SUPT3H: variants seen among roughly 807,000 people sequenced by gnomAD.
The protein encoded by SUPT3H is transcription initiation protein SPT3 homolog.
A neutral mutation model predicts 44.3 loss-of-function variants in SUPT3H; 44 were observed. That is an observed-to-expected ratio of 0.99 (90% CI 0.78 to 1.28). The LOEUF (loss-of-function observed/expected upper bound fraction) is 1.28, where lower values mean the gene tolerates loss of function less well. Ranked by LOEUF, SUPT3H falls within the 50% of genes most tolerant of loss-of-function variation. SUPT3H has a pLI of 0.00. For synonymous variants in SUPT3H, 124 were observed against 125.6 expected (o/e 0.99, Z 0.09); for missense variants, 380 against 387.1 (o/e 0.98, Z 0.15).
At chr6:44,995,631 T>C (rs1781173182) in intron 6 of SUPT3H, among the ~76,000 whole-genome samples, 1 of 152,094 alleles carries the variant, frequency 6.6e-6, no homozygotes, top group African/African-American at 2.4e-5. Context: ...ATGCATATTA[T>C]ATGTGTATAT....
At chr6:45,025,830 C>T (rs879699637) in intron 3 of SUPT3H, among the ~76,000 whole-genome samples, 1 of 149,404 alleles carries the variant, frequency 6.7e-6, no homozygotes, top group Non-Finnish European at 1.5e-5. Context: ...TTTCAGTGAG[C>T]TGAGATAGCG....
At chr6:45,018,590 A>G (rs986296178) in intron 4 of SUPT3H, among the ~76,000 whole-genome samples, 4 of 152,070 alleles carry the variant, frequency 2.6e-5, no homozygotes, top group Non-Finnish European at 5.9e-5. Context: ...CCTTTTCTGC[A>G]TCTATTGAGA....
chr6:45,282,245 T>A (rs1156372883), intron 2 of SUPT3H, among the ~76,000 whole-genome samples: 1 of 152,162 alleles, frequency 6.6e-6, no homozygotes, highest in East Asian at 1.9e-4. Context: ...GGAGAATGAC[T>A]TTGACAAGTT....
intron 2 of SUPT3H, among the ~76,000 whole-genome samples, chr6:45,139,392 G>A (rs528956078): frequency 6.6e-6 from 1 of 152,052 alleles, no homozygotes; most frequent in East Asian, 1.9e-4. Flanking sequence ...GAGGAGACAG[G>A]GCTAACAAGC....
chr6:45,129,636 G>T (rs1268973940), intron 2 of SUPT3H, among the ~76,000 whole-genome samples: 1 of 151,992 alleles, frequency 6.6e-6, no homozygotes, highest in African/African-American at 2.4e-5. Context: ...GGCAGCTACT[G>T]ATTTTTGTAC....
At chr6:45,060,003 G>A (rs1791734048) in intron 3 of SUPT3H, among the ~76,000 whole-genome samples, 1 of 152,128 alleles carries the variant, frequency 6.6e-6, no homozygotes. Context: ...TCAATATCGT[G>A]AAAATGGCCA....
chr6:45,100,439 GAC>G (rs1429843396), intron 3 of SUPT3H, among the ~76,000 whole-genome samples: 1 of 147,802 alleles, frequency 6.8e-6, no homozygotes, highest in Non-Finnish European at 1.5e-5. Context: ...TGGGTGCAGT[GAC>G]ACACACCTGT....
intron 10 of SUPT3H, among the ~76,000 whole-genome samples, chr6:44,897,504 G>T (rs142817703): frequency 1.3e-5 from 2 of 152,098 alleles, no homozygotes; most frequent in Non-Finnish European, 2.9e-5. Context: ...TGTACTTATG[G>T]AGAAGAGATT....
chr6:45,141,097 T>C (rs747709371), intron 2 of SUPT3H, among the ~76,000 whole-genome samples: 1 of 151,914 alleles, frequency 6.6e-6, no homozygotes, highest in Non-Finnish European at 1.5e-5. Flanking sequence ...CCCAGCACTT[T>C]AGGAGGCCAA....
chr6:45,253,706 TCA>T (rs1327388305), intron 2 of SUPT3H, among the ~76,000 whole-genome samples: 12 of 151,654 alleles, frequency 7.9e-5, no homozygotes. Flanking sequence ...AGCAGGAGAA[TCA>T]CTTGAGTCCA....
At chr6:44,819,548 T>C (rs184819704) in intron 11 of SUPT3H, among the ~76,000 whole-genome samples, 1 of 151,308 alleles carries the variant, frequency 6.6e-6, no homozygotes, top group Non-Finnish European at 1.5e-5. Context: ...TCGCAGTACT[T>C]TGGGAGGCTG....
At chr6:45,086,893 A>G (rs1278651201) in intron 3 of SUPT3H, among the ~76,000 whole-genome samples, 5 of 151,960 alleles carry the variant, frequency 3.3e-5, no homozygotes, top group Non-Finnish European at 7.4e-5. Context: ...AGTGTAAGAA[A>G]CGGAAAAATA....
At position 45,079,486 on chromosome 6, in the gene SUPT3H, G is replaced by A. The variant is rs78312968; in HGVS notation, c.186+26436C>T. On this transcript the variant is annotated intron_variant, in intron 3 of 10. Transcript: ENST00000371459. ...AGAAGAAGGGGAAAGGAGGAGGAAG[G>A]AGGAAGAAAAAAAGGAAGGAAGGAA... 4.8e-4 allele frequency among the ~76,000 whole-genome samples: 72 copies of A among 150,534 alleles called. No individual in the cohort carries two copies. In the East Asian group the frequency reaches 6.6e-3, roughly 14 times the overall value.
At chr6:45,142,160 C>G (rs1034708677) in intron 2 of SUPT3H, among the ~76,000 whole-genome samples, 1 of 152,000 alleles carries the variant, frequency 6.6e-6, no homozygotes, top group Admixed American at 6.6e-5. Flanking sequence ...GCTTCATAAA[C>G]GAGAGAAAGA....
chr6:44,900,677 G>T (rs962644411), intron 10 of SUPT3H, among the ~76,000 whole-genome samples: 3 of 152,140 alleles, frequency 2.0e-5, no homozygotes, highest in African/African-American at 7.2e-5. Flanking sequence ...GAGAGTAGTG[G>T]TTCTCCCAGC....
intron 4 of SUPT3H, among the ~76,000 whole-genome samples, chr6:45,017,934 G>A (rs1029380627): frequency 6.7e-6 from 1 of 149,094 alleles, no homozygotes; most frequent in African/African-American, 2.5e-5. Flanking sequence ...AATTACCTTG[G>A]GCAGTATGGC....
chr6:45,309,193 T>G (rs1783587033), intron 2 of SUPT3H, among the ~76,000 whole-genome samples: 1 of 148,404 alleles, frequency 6.7e-6, no homozygotes, highest in African/African-American at 2.5e-5. Context: ...AATCTCCCAG[T>G]GCCTGACCAC....
At chr6:45,180,696 A>C (rs1300042348) in intron 2 of SUPT3H, among the ~76,000 whole-genome samples, 2 of 152,138 alleles carry the variant, frequency 1.3e-5, no homozygotes, top group Admixed American at 1.3e-4. Flanking sequence ...TCCCTTCCTT[A>C]CACCTTATAC....
At chr6:45,365,354 T>C in intron 1 of SUPT3H, 53 bp from the exon 2 acceptor site, 1 of 1,199,798 alleles carries the variant, frequency 8.3e-7, no homozygotes. Context: ...TATAAGTAAA[T>C]GCAAAAAAAA....
Sources: gnomAD v4.1 joint callset for allele counts (sites outside exome capture counted in the v4.1 genomes callset) on GRCh38, gnomAD v4.1.1 for gene constraint, MANE v1.5 for transcripts, NCBI Gene and HGNC (gene_info 2026-07-23, HGNC 2026-07-21) for gene names.